INTS6L: variants seen among roughly 807,000 people sequenced by gnomAD.
INTS6L encodes the protein integrator complex subunit 6 like, also known as integrator complex subunit 6-like.
A neutral mutation model predicts 64.7 loss-of-function variants in INTS6L; 18 were observed. The ratio of observed to expected loss-of-function variants is 0.28; its 90% CI spans 0.19 to 0.41. The LOEUF (loss-of-function observed/expected upper bound fraction) is 0.41, where lower values mean the gene tolerates loss of function less well. INTS6L is among the 10% of genes least tolerant of loss of function. The pLI is 1.00. For synonymous variants in INTS6L, 227 were observed against 235.9 expected, an observed-to-expected ratio of 0.96 and a Z score of 0.34; for missense variants, 533 against 661.0, an observed-to-expected ratio of 0.81 and a Z score of 2.12.
intron 1 of INTS6L, 51 bp from the exon 2 acceptor site, chrX:135,521,190 C>T: frequency 1.7e-6 from 2 of 1,179,656 alleles, no homozygotes; most frequent in African/African-American, 1.8e-5. Flanking sequence ...TTTGTATCGC[C>T]CTCCCCCCTC....
At chrX:135,572,662 AG>A in intron 11 of INTS6L, 152 bp from the exon 12 acceptor site, 2 of 476,178 alleles carry the variant, frequency 4.2e-6, no homozygotes, top group Non-Finnish European at 6.9e-6. Context: ...GATAGTGCAA[AG>A]AAGCACAGGA....
intron 2 of INTS6L, among the ~76,000 whole-genome samples, chrX:135,543,502 C>T (rs782743261): frequency 2.0e-4 from 22 of 111,872 alleles, no homozygotes; most frequent in Middle Eastern, 4.7e-3. Context: ...AGCCTTCCCT[C>T]ACTCTCTGGT....
intron 13 of INTS6L, 99 bp downstream of exon 13, chrX:135,574,161 T>A: frequency 1.1e-6 from 1 of 938,275 alleles, no homozygotes; most frequent in Non-Finnish European, 1.4e-6. Context: ...TATTTTATAG[T>A]ATTTTAATGT....
At chrX:135,541,021 A>G (rs1402835218) in intron 2 of INTS6L, among the ~76,000 whole-genome samples, 1 of 111,710 alleles carries the variant, frequency 9.0e-6, no homozygotes, top group Non-Finnish European at 1.9e-5. Flanking sequence ...AGCTCAAGCA[A>G]TGTGCCGGCC....
chrX:135,539,609 TG>T (rs1231763923), intron 2 of INTS6L, among the ~76,000 whole-genome samples: 1 of 112,495 alleles, frequency 8.9e-6, no homozygotes, highest in East Asian at 2.8e-4. Flanking sequence ...CGTGGCTAAC[TG>T]GTGCAAGAGG....
chrX:135,555,372 TTAA>T (rs1419015391), intron 8 of INTS6L, among the ~76,000 whole-genome samples: 1 of 111,994 alleles, frequency 8.9e-6, no homozygotes, highest in Non-Finnish European at 1.9e-5. Flanking sequence ...GAGCAAAGAC[TTAA>T]TAATAGTACA....
intron 2 of INTS6L, among the ~76,000 whole-genome samples, chrX:135,531,358 A>G (rs1255709401): frequency 8.9e-6 from 1 of 112,054 alleles, no homozygotes; most frequent in Non-Finnish European, 1.9e-5. Context: ...ATGCTTCACC[A>G]TCTTCAGCTT....
chrX:135,559,168 G>A (rs950579817), intron 9 of INTS6L, among the ~76,000 whole-genome samples: 3 of 111,714 alleles, frequency 2.7e-5, no homozygotes, highest in Non-Finnish European at 5.6e-5. Context: ...CCAAATGGAA[G>A]TCTTGCAAAA....
intron 9 of INTS6L, among the ~76,000 whole-genome samples, chrX:135,561,106 C>G (rs999405412): frequency 9.3e-6 from 1 of 107,551 alleles, no homozygotes; most frequent in Non-Finnish European, 1.9e-5. Flanking sequence ...CATGTACCAC[C>G]CTGCCTGGCT....
chrX:135,526,145 C>T (rs1216313013), intron 2 of INTS6L, among the ~76,000 whole-genome samples: 2 of 111,378 alleles, frequency 1.8e-5, no homozygotes, highest in East Asian at 5.6e-4. Context: ...CTCGTTTCAA[C>T]CTTCATCATT....
chrX:135,561,379 C>T (rs1232207318), intron 9 of INTS6L, among the ~76,000 whole-genome samples: 1 of 112,221 alleles, frequency 8.9e-6, no homozygotes, highest in Non-Finnish European at 1.9e-5. Context: ...AAATAAATCT[C>T]ACTTGGTCAT....
At chrX:135,545,619 G>A in intron 3 of INTS6L, 47 bp downstream of exon 3, 1 of 1,127,672 alleles carries the variant, frequency 8.9e-7, no homozygotes, top group Non-Finnish European at 1.2e-6. Context: ...TGGTGGCTTG[G>A]GGTAAGAATT....
chrX:135,556,342 C>T (rs1556519278), intron 9 of INTS6L, 42 bp downstream of exon 9: 7 of 1,068,075 alleles, frequency 6.6e-6, no homozygotes, highest in Non-Finnish European at 8.6e-6. Context: ...TAAAATACAA[C>T]AGAAATGAAA....
At chrX:135,564,763 C>T (rs781955666) in intron 9 of INTS6L, among the ~76,000 whole-genome samples, 1 of 109,586 alleles carries the variant, frequency 9.1e-6, no homozygotes, top group African/African-American at 3.3e-5. Context: ...TGAGATCTTC[C>T]TGGTTCTTGG....
rs1556528731 is a variant in INTS6L at position 135,573,049 on chromosome X, A to T, written c.1617+16A>T. ...CTTAAACAAGGTAAATTGTGACATA[A>T]ATAGTTTGTATTTGTTTGAACTTGT... On this transcript the variant is annotated intron_variant, in intron 12 of 17. Transcript: ENST00000639893. 1 of 1,152,449 alleles carries T rather than the reference A, an allele frequency of 8.7e-7. No homozygotes were observed. Among genetic ancestry groups the T allele is most frequent in the Admixed American group, 2.3e-5 (1 of 43,955 alleles). The allele number at this position is 1,152,449 out of a possible 1,213,427, so 95.0% of individuals were successfully genotyped here. A position where few individuals can be genotyped will look rare whatever the true frequency, so the allele number is the denominator to read the frequency against.
Position 135,581,966 on chromosome X carries a change from C to T in INTS6L, c.*330C>T. The stretch of plus-strand genomic sequence containing the variant: ...TGAACTTTGCCATTCCAGGCATTCT[C>T]AGAGTGGCGAGGGGCCACCTGCAAG... On this transcript the variant is annotated 3_prime_UTR_variant, in exon 18 of 18. Transcript: ENST00000639893. 1 of 193,976 alleles carries T rather than the reference C, an allele frequency of 5.2e-6. No individual in the cohort carries two copies. Among genetic ancestry groups the T allele is most frequent in the Non-Finnish European group, 9.3e-6 (1 of 107,885 alleles). The allele number at this position is 193,976 out of a possible 1,213,427, so 16.0% of individuals were successfully genotyped here.
chrX:135,551,995 C>T lies in INTS6L; in HGVS notation c.908C>T (p.Pro303Leu), dbSNP rs1306841978. ...FWPDQNLPSL[P>L]PRTSHPVVRF... Reference sequence around the variant, plus strand: ...CTTTTTTTAAAAAATTTTTTTTAGCCTCCACGAACATCTCATCCTGTTGTG... The same window carrying T: ...CTTTTTTTAAAAAATTTTTTTTAGCTTCCACGAACATCTCATCCTGTTGTG... The change falls in exon 8 of 18, where the codon CCT (proline) becomes CTT (leucine). Residue 303 changes from proline (P) to leucine (L), a missense_variant and splice_region_variant. Coordinates refer to ENST00000639893, the MANE Select transcript of INTS6L (RefSeq NM_001351601.3). 3 of 1,141,575 alleles carry T rather than the reference C, an allele frequency of 2.6e-6. No homozygotes were observed. The African/African-American group carries it at 5.6e-5, about 21-fold the overall frequency. 94.1% of individuals were successfully genotyped at this position (1,141,575 alleles called of 1,213,427 possible).
chrX:135,525,113 T>A (rs2085696559), intron 2 of INTS6L, among the ~76,000 whole-genome samples: 1 of 112,229 alleles, frequency 8.9e-6, no homozygotes, highest in Non-Finnish European at 1.9e-5. Context: ...GTTTTGGGAT[T>A]TTTTGGTATA....
chrX:135,542,896 G>A (rs1379268484), intron 2 of INTS6L, among the ~76,000 whole-genome samples: 1 of 111,470 alleles, frequency 9.0e-6, no homozygotes, highest in African/African-American at 3.3e-5. Context: ...AAGGACCCCC[G>A]CCCACCATTT....
Sources: gnomAD v4.1 joint callset for allele counts (sites outside exome capture counted in the v4.1 genomes callset) on GRCh38, gnomAD v4.1.1 for gene constraint, MANE v1.5 for transcripts, NCBI Gene and HGNC (gene_info 2026-07-23, HGNC 2026-07-21) for gene names.